The following GPR55 variants were observed in gnomAD, a reference collection of about 807,000 sequenced individuals.
GPR55 encodes G protein-coupled receptor 55.
In GPR55, 6 loss-of-function variants were observed where a neutral mutation model predicts 7.9. The observed-to-expected ratio is 0.76, with a 90% CI of 0.41 to 1.49. GPR55 has a LOEUF of 1.49. Among genes scored for constraint, GPR55 ranks in the 40% most tolerant of loss-of-function variants. The pLI is 0.01. For missense variants in GPR55, 376 were observed against 406.0 expected, an observed-to-expected ratio of 0.93 and a Z score of 0.63; for synonymous variants, 183 against 166.8, an observed-to-expected ratio of 1.10 and a Z score of -0.75.
chr2:230,917,223 A>G (rs1447571222), intron 1 of GPR55, among the ~76,000 whole-genome samples: 2 of 152,258 alleles, frequency 1.3e-5, no homozygotes, highest in African/African-American at 4.8e-5. Flanking sequence ...GCCATTGGCA[A>G]AAACAAACTG....
intron 1 of GPR55, among the ~76,000 whole-genome samples, chr2:230,931,703 C>T (rs988372983): frequency 6.6e-6 from 1 of 152,144 alleles, no homozygotes; most frequent in African/African-American, 2.4e-5. Context: ...CCTCACGGTG[C>T]GACCTCCTGC....
intron 1 of GPR55, among the ~76,000 whole-genome samples, chr2:230,922,254 G>C (rs1369032811): frequency 6.6e-6 from 1 of 152,220 alleles, no homozygotes; most frequent in African/African-American, 2.4e-5. Flanking sequence ...GAAAGGGACT[G>C]GGGTGGAGCA....
rs944725520 is a variant in GPR55 at position 230,923,381 on chromosome 2, C to T, written c.-135+1787G>A. Among the ~76,000 whole-genome samples the T allele has an allele frequency of 6.6e-6, 1 of 152,174 alleles. No homozygotes were observed. The highest frequency in any genetic ancestry group is 1.5e-5 in the Non-Finnish European group (1 of 68,026). ...CCTAAAAAAGCAGCATTGGCACAGCCGCAGGGATGGATTTGAGGAGCCCTG... is the reference window on the plus strand; with the variant it reads ...CCTAAAAAAGCAGCATTGGCACAGCTGCAGGGATGGATTTGAGGAGCCCTG... On this transcript the variant is annotated intron_variant, in intron 1 of 1. Transcript: ENST00000650999. This position sits in a 1 kb window ranked among gnomAD's most constrained non-coding sequence, Gnocchi z 4.1.
intron 1 of GPR55, among the ~76,000 whole-genome samples, chr2:230,911,564 A>G (rs905416910): frequency 4.6e-5 from 7 of 152,170 alleles, no homozygotes; most frequent in African/African-American, 1.7e-4. Context: ...TCAGGGACAG[A>G]TATTTGACTC....
chr2:230,930,608 G>A (rs1435832378), intron 1 of GPR55, among the ~76,000 whole-genome samples: 1 of 151,806 alleles, frequency 6.6e-6, no homozygotes, highest in Non-Finnish European at 1.5e-5. Context: ...GTGCCACCAC[G>A]CCTGGCTAAT....
At chr2:230,941,364 G>T (rs542397637) in intron 1 of GPR55, among the ~76,000 whole-genome samples, 1 of 152,326 alleles carries the variant, frequency 6.6e-6, no homozygotes, top group East Asian at 1.9e-4. Context: ...AAGTCCCCCA[G>T]ACTGAGCATA....
Position 230,910,380 on chromosome 2 carries a change from C to A in GPR55, c.583G>T (p.Gly195Cys). Residue 195 changes from glycine (G) to cysteine (C), a missense_variant, in exon 2 of 2, where the codon GGC (glycine) becomes TGC (cysteine). Transcript: ENST00000650999. The surrounding 1 kb of genome is among the most constrained non-coding windows in gnomAD (Gnocchi z 5.4). ...LEVFGFLLPM[G>C]IMGFCCSRSI... ...CTGGAGCAGCAGAAGCCCATGATGCCCATGGGAAGGAGGAAGCCAAACACC... is the reference window on the plus strand; with the variant it reads ...CTGGAGCAGCAGAAGCCCATGATGCACATGGGAAGGAGGAAGCCAAACACC... The A allele has an allele frequency of 6.2e-7, 1 of 1,613,942 alleles. No individual in the cohort carries two copies. The highest frequency in any genetic ancestry group is 8.5e-7 in the Non-Finnish European group (1 of 1,179,916).
intron 1 of GPR55, among the ~76,000 whole-genome samples, chr2:230,938,519 G>T (rs138697553): frequency 1.3e-5 from 2 of 152,294 alleles, no homozygotes; most frequent in Admixed American, 1.3e-4. Flanking sequence ...AAAAATATTG[G>T]TATTTCCTGA....
chr2:230,945,706 G>A (rs773601672), intron 1 of GPR55, among the ~76,000 whole-genome samples: 30 of 152,166 alleles, frequency 2.0e-4, no homozygotes, highest in Admixed American at 5.2e-4. Flanking sequence ...CCAAGTAGCT[G>A]GGACTACAGG....
intron 1 of GPR55, chr2:230,957,988 G>A: frequency 7.2e-6 from 3 of 419,190 alleles, no homozygotes; most frequent in South Asian, 6.0e-5. Context: ...ACTCCCTGAA[G>A]TCAGTGTGAA....
chr2:230,953,316 G>A (rs1260071184), intron 1 of GPR55, among the ~76,000 whole-genome samples: 1 of 152,168 alleles, frequency 6.6e-6, no homozygotes, highest in Non-Finnish European at 1.5e-5. Context: ...CAATTATCCT[G>A]GATTATCCTG....
chr2:230,916,624 G>C (rs1376798548), intron 1 of GPR55, among the ~76,000 whole-genome samples: 1 of 152,146 alleles, frequency 6.6e-6, no homozygotes, highest in African/African-American at 2.4e-5. Context: ...TGTGTTGTAG[G>C]GGGTGGGGAC....
rs1180939510 is a variant in GPR55 at position 230,923,853 on chromosome 2, C to A, written c.-135+1315G>T. Among the ~76,000 whole-genome samples the A allele has an allele frequency of 6.6e-6, 1 of 152,150 alleles. No homozygotes were observed. Among genetic ancestry groups the A allele is most frequent in the East Asian group, 1.9e-4 (1 of 5,192 alleles). On this transcript the variant is annotated intron_variant, in intron 1 of 1. Transcript: ENST00000650999. The surrounding 1 kb of genome is among the most constrained non-coding windows in gnomAD (Gnocchi z 4.1). ...CCTCCTCGCTCACCCTGGCCCCCAT[C>A]AGCATCACAAGCAAGAGCATCTGGG...
intron 1 of GPR55, among the ~76,000 whole-genome samples, chr2:230,931,787 C>T (rs546357460): frequency 6.6e-6 from 1 of 152,142 alleles, no homozygotes; most frequent in Non-Finnish European, 1.5e-5. Context: ...TCCTTCCACA[C>T]CCTGAGTGGT....
chr2:230,932,689 C>T (rs1344449237), intron 1 of GPR55, among the ~76,000 whole-genome samples: 1 of 152,190 alleles, frequency 6.6e-6, no homozygotes, highest in East Asian at 1.9e-4. Flanking sequence ...GCATGAGCCC[C>T]AATCTCTTGC....
chr2:230,910,916 T>C lies in GPR55; in HGVS notation c.47A>G (p.Asn16Ser). ...TSGDCLFDGV[N>S]ELMKTLQFAV... ...AAACTGTAGGGTTTTCATCAGCTCG[T>C]TGACACCGTCAAACAGGCAGTCCCC... Residue 16 changes from asparagine to serine, a missense_variant, in exon 2 of 2, where the codon AAC (asparagine) becomes AGC (serine). By Grantham distance (46) the Asn-to-Ser change is conservative. Transcript: ENST00000650999. The surrounding 1 kb of genome is among the most constrained non-coding windows in gnomAD (Gnocchi z 5.4). 2 of 1,610,894 alleles carry C rather than the reference T, an allele frequency of 1.2e-6. No homozygotes were observed. Among genetic ancestry groups the C allele is most frequent in the South Asian group, 1.1e-5 (1 of 91,002 alleles).
intron 1 of GPR55, among the ~76,000 whole-genome samples, chr2:230,935,293 C>T (rs553457900): frequency 2.6e-5 from 4 of 152,154 alleles, no homozygotes; most frequent in African/African-American, 4.8e-5. Context: ...GGTCCCAGCC[C>T]GGCAGCCACT....
chr2:230,916,791 A>C (rs1418872441), intron 1 of GPR55, among the ~76,000 whole-genome samples: 2 of 152,356 alleles, frequency 1.3e-5, no homozygotes, highest in East Asian at 3.9e-4. Flanking sequence ...GTCTACCTTC[A>C]AAATTACTAC....
At chr2:230,943,497 T>C (rs4972974) in intron 1 of GPR55, among the ~76,000 whole-genome samples, 38,804 of 152,088 alleles carry the variant, frequency 0.26, 9,296 homozygotes, top group African/African-American at 0.61. Context: ...CATCCCCAGC[T>C]GGGGGGCCAA....
Sources: gnomAD v4.1 joint callset for allele counts (sites outside exome capture counted in the v4.1 genomes callset) on GRCh38, gnomAD v4.1.1 for gene constraint, Gnocchi (gnomAD v3.1) non-coding constraint, MANE v1.5 for transcripts, NCBI Gene and HGNC (gene_info 2026-07-23, HGNC 2026-07-21) for gene names.